The following ATR variants were observed in gnomAD, a reference collection of about 807,000 sequenced individuals.
ATR encodes the protein serine/threonine-protein kinase ATR.
In ATR, 142 loss-of-function variants were observed where a neutral mutation model predicts 305.3. The ratio of observed to expected loss-of-function variants is 0.47; its 90% confidence interval spans 0.41 to 0.53. The LOEUF (loss-of-function observed/expected upper bound fraction) is 0.53, where lower values mean the gene tolerates loss of function less well. Among genes scored for constraint, ATR ranks in the 20% least tolerant of loss-of-function variants. The pLI, the probability that ATR is intolerant of heterozygous loss-of-function variation, is 0.00. For synonymous variants in ATR, 1,050 were observed against 1,068.1 expected (o/e 0.98, Z 0.33); for missense variants, 2,135 against 3,133.1 (o/e 0.68, Z 7.60).
intron 28 of ATR, among the ~76,000 whole-genome samples, chr3:142,507,168 C>T (rs1439817302): frequency 1.3e-5 from 2 of 152,158 alleles, no homozygotes; most frequent in Admixed American, 1.3e-4. Flanking sequence ...GTTATTTTAT[C>T]ACACTTTGCT....
chr3:142,508,104 T>G lies in ATR; in HGVS notation c.4858A>C (p.Thr1620Pro), dbSNP rs1388237726. 2 of 1,609,134 alleles carry G rather than the reference T, an allele frequency of 1.2e-6. No homozygotes were observed. Among genetic ancestry groups the G allele is most frequent in the Non-Finnish European group, 1.7e-6 (2 of 1,177,922 alleles). The change falls in exon 28 of 47, where the codon ACT becomes CCT. Residue 1620 changes from threonine (T) to proline (P), a missense_variant. By Grantham distance (38) the Thr-to-Pro change is conservative. Around this residue, in one of 9 missense-constraint regions of ATR, gnomAD observed 202 missense variants for 252.9 expected, o/e 0.80. Coordinates refer to ENST00000350721, the MANE Select transcript of ATR (RefSeq NM_001184.4). ...CTCTGATAGTCTTCATAATCCACAG[T>G]AGATACTAGATCATAAAAAAAGTTG... Reference protein sequence around the residue: ...NRNKVDSMVSTVDYEDYQSVT... With the variant: ...NRNKVDSMVSPVDYEDYQSVT...
intron 4 of ATR, 107 bp downstream of exon 4, chr3:142,562,125 T>C: frequency 1.7e-6 from 2 of 1,190,302 alleles, no homozygotes; most frequent in Non-Finnish European, 2.4e-6. Context: ...AAATATAAAT[T>C]ACTATTAAAG....
chr3:142,469,508 T>G lies in ATR; in HGVS notation c.6381A>C (p.Thr2127=). 1 of 1,613,970 alleles carries G rather than the reference T, an allele frequency of 6.2e-7. No homozygotes were observed. ...NDLGKINKVI[T]EHTNYLAPYQ... ...ATGGAGCTAAATAGTTTGTATGCTC[T>G]GTGATAACCTTGTTTATTTTACCCA... Residue 2127 remains threonine, a synonymous_variant, in exon 38 of 47, where the codon ACA becomes ACC. Transcript: ENST00000350721.
chr3:142,557,374 T>C (rs1451198648), intron 8 of ATR, among the ~76,000 whole-genome samples: 5 of 152,190 alleles, frequency 3.3e-5, no homozygotes, highest in Admixed American at 2.0e-4. Context: ...TGTCCACCAA[T>C]AGGAGGTCTG....
rs773177654 is a variant in ATR at position 142,535,179 on chromosome 3, C to T, written c.3846G>A (p.Gln1282=). 6.2e-7 allele frequency: 1 copy of T among 1,613,048 alleles called. No individual in the cohort carries two copies. The highest frequency in any genetic ancestry group is 2.2e-5 in the East Asian group (1 of 44,782). The change falls in exon 21 of 47, where the codon CAG becomes CAA. Residue 1282 remains glutamine (Q), a synonymous_variant. Transcript: ENST00000350721. The part of the protein sequence containing the change: ...RKETSESTDL[Q]TTLQLSMKAI... The stretch of plus-strand genomic sequence containing the variant: ...CCTTCATAGAGAGCTGAAGAGTTGT[C>T]TGAAGATCAGTGCTCTCAGAGGTCT...
intron 21 of ATR, among the ~76,000 whole-genome samples, chr3:142,528,325 C>CTA (rs1462276918): frequency 3.3e-5 from 5 of 152,104 alleles, no homozygotes; most frequent in African/African-American, 1.2e-4. Flanking sequence ...GATTGAGTTT[C>CTA]TATATATATC....
intron 36 of ATR, chr3:142,472,475 G>A (rs2071309856): frequency 6.6e-6 from 1 of 152,056 alleles, no homozygotes; most frequent in Admixed American, 6.6e-5. Context: ...CAAGTGTGAG[G>A]TGACATCTCA....
At chr3:142,499,485 G>A (rs1457226748) in intron 31 of ATR, 142 bp downstream of exon 31, 31 of 695,802 alleles carry the variant, frequency 4.5e-5, no homozygotes, top group South Asian at 4.0e-4. Context: ...TAGTAGAGAC[G>A]GGGTTTCACT....
At chr3:142,558,964 A>C (rs775844089) in intron 7 of ATR, 188 bp from the exon 8 acceptor site, 1 of 657,276 alleles carries the variant, frequency 1.5e-6, no homozygotes, top group Non-Finnish European at 2.5e-6. Context: ...CTTTATAAAA[A>C]CATGTTATCT....
At chr3:142,563,967 G>GA (rs1052498983) in intron 3 of ATR, among the ~76,000 whole-genome samples, 3 of 151,700 alleles carry the variant, frequency 2.0e-5, no homozygotes, top group African/African-American at 7.3e-5. Context: ...TTTCCAGTAG[G>GA]AAAAAAAGAA....
At chr3:142,512,158 A>G (rs2032605722) in intron 27 of ATR, 102 bp downstream of exon 27, 1 of 1,054,560 alleles carries the variant, frequency 9.5e-7, no homozygotes. Flanking sequence ...GAAGCAAGGT[A>G]TTTTTTAAGC....
intron 28 of ATR, 92 bp downstream of exon 28, chr3:142,507,839 G>T: frequency 1.7e-6 from 2 of 1,198,680 alleles, no homozygotes; most frequent in Non-Finnish European, 2.4e-6. Context: ...TCTAAGCATA[G>T]CATATAAAAC....
chr3:142,503,509 A>T, intron 29 of ATR, 56 bp from the exon 30 acceptor site: 1 of 1,147,990 alleles, frequency 8.7e-7, no homozygotes, highest in East Asian at 2.5e-5. Flanking sequence ...TAGCTTGGGG[A>T]CCAAAAACAG....
Position 142,498,728 on chromosome 3 carries a change from T to A in ATR, c.5427A>T (p.Leu1809Phe), listed in dbSNP as rs541388907. The A allele has an allele frequency of 3.0e-5, 49 of 1,614,130 alleles. No homozygotes were observed. In the South Asian group the frequency reaches 4.1e-4, roughly 13 times the overall value. ...CTGTGATATCTCTTTTTTTGGCTGA[T>A]AATAATAGCTGTCCCAGTCTGACAC... Reference protein sequence around the residue: ...TWSVRLGQLLLSAKKRDITAF... With the variant: ...TWSVRLGQLLFSAKKRDITAF... The change falls in exon 32 of 47, where the codon TTA (leucine) becomes TTT (phenylalanine). Residue 1809 changes from leucine to phenylalanine, a missense_variant. Physicochemically the swap from Leu to Phe is conservative, Grantham distance 22 (BLOSUM62 0). Coordinates refer to ENST00000350721, the MANE Select transcript of ATR (RefSeq NM_001184.4).
chr3:142,540,395 T>C (rs2034007741), intron 18 of ATR, among the ~76,000 whole-genome samples: 1 of 152,140 alleles, frequency 6.6e-6, no homozygotes, highest in African/African-American at 2.4e-5. Context: ...ATATACAACA[T>C]AATATATACA....
chr3:142,451,016 G>A (rs577366969), intron 46 of ATR: 104 of 1,258,038 alleles, frequency 8.3e-5, no homozygotes, highest in Non-Finnish European at 9.3e-5. Context: ...CATCAATTCC[G>A]TCTTAAGAGA....
intron 35 of ATR, 140 bp downstream of exon 35, chr3:142,492,992 G>A (rs2031377429): frequency 1.4e-6 from 1 of 739,678 alleles, no homozygotes. Flanking sequence ...TTTATTTTGT[G>A]ATAATCCATA....
In ATR at chr3:142,550,128, T is replaced by A; in HGVS notation, c.2976+4A>T. On this transcript the variant is annotated splice_donor_region_variant and intron_variant, in intron 14 of 46. Transcript: ENST00000350721. The stretch of plus-strand genomic sequence containing the variant: ...CCTCAAGTGAACTATATGTTGCAAC[T>A]TACAGTAAGAAAACGATTAAGATCA... 6.2e-7 allele frequency: 1 copy of A among 1,614,048 alleles called. No homozygotes were observed. Among genetic ancestry groups the A allele is most frequent in the Non-Finnish European group, 8.5e-7 (1 of 1,179,950 alleles).
chr3:142,504,572 C>T (rs953854398), intron 29 of ATR, among the ~76,000 whole-genome samples: 7 of 151,632 alleles, frequency 4.6e-5, no homozygotes, highest in African/African-American at 1.5e-4. Flanking sequence ...AAGCAATTCT[C>T]TTGCCTCAGC....
Sources: allele counts gnomAD v4.1 joint callset (sites outside exome capture counted in the v4.1 genomes callset), GRCh38; gene constraint gnomAD v4.1.1; regional missense constraint gnomAD v4.1.1; transcripts MANE v1.5; gene names NCBI Gene and HGNC (gene_info 2026-07-23, HGNC 2026-07-21).